ANKRD31: variants seen among roughly 807,000 people sequenced by gnomAD.
The protein encoded by ANKRD31 is ankyrin repeat domain 31.
ANKRD31 carries 147 observed loss-of-function variants against 186.0 expected under a neutral mutation model. The observed-to-expected ratio is 0.79, with a 90% CI of 0.69 to 0.91. The LOEUF (loss-of-function observed/expected upper bound fraction) is 0.91. Ranked by LOEUF, ANKRD31 falls within the 40% of genes least tolerant of loss-of-function variation. The pLI, the probability that ANKRD31 is intolerant of heterozygous loss-of-function variation, is 0.00. For missense variants in ANKRD31, 1,986 were observed against 2,148.8 expected, an observed-to-expected ratio of 0.92 and a Z score of 1.50; for synonymous variants, 673 against 736.4, an observed-to-expected ratio of 0.91 and a Z score of 1.39.
In ANKRD31 at chr5:75,068,471, G is replaced by A. The variant is rs1215118893; in HGVS notation, c.*48C>T. On this transcript the variant is annotated 3_prime_UTR_variant, in exon 26 of 26. Coordinates refer to ENST00000506364, the MANE Select transcript of ANKRD31 (RefSeq NM_001372053.1). ...TATACAAGATGAAATATAAATGTTTGTTGGTAATTTGAACAAATATCCAAT... is the reference window on the plus strand; with the variant it reads ...TATACAAGATGAAATATAAATGTTTATTGGTAATTTGAACAAATATCCAAT... 15 of 1,417,858 alleles carry A rather than the reference G, an allele frequency of 1.1e-5. No individual in the cohort carries two copies. In the South Asian group the frequency reaches 1.1e-4, roughly 11 times the overall value. 87.8% of individuals were successfully genotyped at this position (1,417,858 alleles called of 1,614,324 possible).
At chr5:75,182,283 C>T (rs1754374148) in intron 10 of ANKRD31, among the ~76,000 whole-genome samples, 1 of 152,042 alleles carries the variant, frequency 6.6e-6, no homozygotes, top group Admixed American at 6.6e-5. Context: ...ATCACAGGTC[C>T]CAGTTAGATG....
chr5:75,079,302 C>T (rs1015742523), intron 25 of ANKRD31, among the ~76,000 whole-genome samples: 5 of 152,140 alleles, frequency 3.3e-5, no homozygotes, highest in Non-Finnish European at 5.9e-5. Context: ...ATTGAGGCTT[C>T]TGCTATTTGT....
rs574988212 is a variant in ANKRD31, at chr5:75,091,039, G to A, written c.5472+222C>T. On this transcript the variant is annotated intron_variant, in intron 23 of 25. Transcript: ENST00000506364. ...AAGGTGCAGTCAGCTATGCAACCAT[G>A]CCCATGGGGAATTCTGGCAAATAGG... Among the ~76,000 whole-genome samples, 4 of 152,322 alleles carry A rather than the reference G, an allele frequency of 2.6e-5. No homozygotes were observed. In the South Asian group the frequency reaches 6.2e-4, roughly 24 times the overall value.
chr5:75,187,470 G>A (rs1754817172), intron 10 of ANKRD31, among the ~76,000 whole-genome samples: 1 of 151,480 alleles, frequency 6.6e-6, no homozygotes, highest in South Asian at 2.1e-4. Flanking sequence ...AAAAAAAAAG[G>A]CTAATACAAA....
intron 22 of ANKRD31, among the ~76,000 whole-genome samples, chr5:75,099,686 C>T (rs1376548714): frequency 6.6e-6 from 1 of 152,102 alleles, no homozygotes; most frequent in Non-Finnish European, 1.5e-5. Flanking sequence ...AGGAATTTAT[C>T]CATTTCTTCT....
chr5:75,138,077 T>G, intron 16 of ANKRD31, 79 bp from the exon 17 acceptor site: 2 of 1,262,606 alleles, frequency 1.6e-6, no homozygotes, highest in Non-Finnish European at 1.0e-6. Context: ...ACTAAGGTTT[T>G]GTTGCATTAA....
At chr5:75,235,926 G>A (rs1459943568) in intron 1 of ANKRD31, among the ~76,000 whole-genome samples, 1 of 152,162 alleles carries the variant, frequency 6.6e-6, no homozygotes, top group Non-Finnish European at 1.5e-5. Context: ...GGGGGCAGGA[G>A]AATCCTGGAG....
intron 22 of ANKRD31, among the ~76,000 whole-genome samples, chr5:75,096,260 T>C (rs2150040078): frequency 6.6e-6 from 1 of 152,340 alleles, no homozygotes; most frequent in South Asian, 2.1e-4. Context: ...ATTTCTCTAA[T>C]GATCAGTGAT....
intron 23 of ANKRD31, 125 bp downstream of exon 23, chr5:75,091,136 A>G (rs1745891685): frequency 1.9e-6 from 2 of 1,075,592 alleles, no homozygotes; most frequent in African/African-American, 1.6e-5. Flanking sequence ...CATATACAGA[A>G]TGAACACATG....
chr5:75,187,110 TTGTGTGTGTGTGTGTG>T (rs57013241), intron 10 of ANKRD31, among the ~76,000 whole-genome samples: 4 of 116,186 alleles, frequency 3.4e-5, no homozygotes, highest in Non-Finnish European at 5.2e-5. Context: ...TGATTCTGTT[TTGTGTGTGTGTGTGTG>T]TGTGTGTGTG....
intron 17 of ANKRD31, among the ~76,000 whole-genome samples, chr5:75,119,940 C>T (rs1371542560): frequency 6.6e-6 from 1 of 151,946 alleles, no homozygotes; most frequent in Non-Finnish European, 1.5e-5. Context: ...ACTTCGAAAC[C>T]CCATCATTTT....
rs1268959585 is a variant in ANKRD31 at position 75,120,652 on chromosome 5, A to G, written c.3877-2355T>C. 9.9e-5 allele frequency among the ~76,000 whole-genome samples: 15 copies of G among 152,180 alleles called. No individual in the cohort carries two copies. In the South Asian group the frequency reaches 3.1e-3, roughly 31 times the overall value. ...TCTACTAGTCTAGAGGTAGCATAGCATAAAGAAAAAACTGAACCAAATCAC... is the reference window on the plus strand; with the variant it reads ...TCTACTAGTCTAGAGGTAGCATAGCGTAAAGAAAAAACTGAACCAAATCAC... On this transcript the variant is annotated intron_variant, in intron 17 of 25. Transcript: ENST00000506364.
chr5:75,163,467 G>T (rs1297436635), intron 11 of ANKRD31, among the ~76,000 whole-genome samples: 2 of 152,206 alleles, frequency 1.3e-5, no homozygotes, highest in African/African-American at 2.4e-5. Flanking sequence ...GTCCAGAAAA[G>T]CTGAATTGCA....
At chr5:75,092,963 C>G (rs1033307738) in intron 22 of ANKRD31, among the ~76,000 whole-genome samples, 5 of 151,840 alleles carry the variant, frequency 3.3e-5, no homozygotes, top group Admixed American at 3.3e-4. Context: ...AATAAAATAA[C>G]TGAAATAAAA....
At chr5:75,129,829 G>C (rs1366500017) in intron 17 of ANKRD31, among the ~76,000 whole-genome samples, 3 of 152,196 alleles carry the variant, frequency 2.0e-5, no homozygotes, top group South Asian at 4.1e-4. Flanking sequence ...AAGCAGGGCA[G>C]GGCATCACTT....
intron 18 of ANKRD31, among the ~76,000 whole-genome samples, chr5:75,117,381 C>T (rs1246762725): frequency 7.2e-5 from 11 of 152,094 alleles, no homozygotes; most frequent in Admixed American, 2.6e-4. Context: ...AAGCAGGCAA[C>T]GAAAAGAGGA....
chr5:75,079,190 A>G (rs1744892806), intron 25 of ANKRD31, among the ~76,000 whole-genome samples: 1 of 152,206 alleles, frequency 6.6e-6, no homozygotes, highest in African/African-American at 2.4e-5. Flanking sequence ...TTCACTGAAG[A>G]AAGTTGTAAG....
chr5:75,156,106 T>A lies in ANKRD31; in HGVS notation c.1708-1761A>T, dbSNP rs189746904. Among the ~76,000 whole-genome samples, 429 of 152,248 alleles carry A rather than the reference T, an allele frequency of 2.8e-3. 5 individuals carry two copies. The highest frequency in any genetic ancestry group is 9.6e-3 in the African/African-American group (398 of 41,552). ...TTTTAGTAGAGATGGGGTTTCGCCTTGTTGGCCAGGCTGGTCTTGAACTTC... is the reference window on the plus strand; with the variant it reads ...TTTTAGTAGAGATGGGGTTTCGCCTAGTTGGCCAGGCTGGTCTTGAACTTC... On this transcript the variant is annotated intron_variant, in intron 11 of 25. Coordinates refer to ENST00000506364, the MANE Select transcript of ANKRD31 (RefSeq NM_001372053.1).
chr5:75,166,114 T>C (rs1401661825), intron 11 of ANKRD31, among the ~76,000 whole-genome samples: 2 of 152,214 alleles, frequency 1.3e-5, no homozygotes, highest in Non-Finnish European at 2.9e-5. Flanking sequence ...TCAGTTCATG[T>C]TCTAGCCAAA....
Sources: allele counts gnomAD v4.1 joint callset (sites outside exome capture counted in the v4.1 genomes callset), GRCh38; gene constraint gnomAD v4.1.1; transcripts MANE v1.5; gene names NCBI Gene and HGNC (gene_info 2026-07-23, HGNC 2026-07-21).